Variants in KCNG2 observed in about 807,000 individuals in gnomAD.
KCNG2 encodes the protein voltage-gated potassium channel regulatory subunit KCNG2.
In KCNG2, 7 loss-of-function variants were observed where a neutral mutation model predicts 12.3. The ratio of observed to expected loss-of-function variants is 0.57; its 90% CI spans 0.32 to 1.07. The LOEUF is 1.07. Ranked by LOEUF, KCNG2 falls within the 50% of genes least tolerant of loss-of-function variation. KCNG2 has a pLI of 0.04. For synonymous variants in KCNG2, 414 were observed against 351.4 expected, an observed-to-expected ratio of 1.18 and a Z score of -1.99; for missense variants, 703 against 726.0, an observed-to-expected ratio of 0.97 and a Z score of 0.36.
chr18:79,826,653 G>A (rs540616205), intron 1 of KCNG2, among the ~76,000 whole-genome samples: 10 of 144,546 alleles, frequency 6.9e-5, no homozygotes, highest in African/African-American at 2.4e-4. Context: ...GGCGCGTTAC[G>A]TCATTACATC....
intron 1 of KCNG2, among the ~76,000 whole-genome samples, chr18:79,813,669 G>A (rs535455574): frequency 6.6e-6 from 1 of 152,294 alleles, no homozygotes; most frequent in Non-Finnish European, 1.5e-5. Flanking sequence ...AAAGATAGGG[G>A]AAATTCACTG....
intron 1 of KCNG2, among the ~76,000 whole-genome samples, chr18:79,840,306 C>A (rs1978420206): frequency 6.6e-6 from 1 of 152,042 alleles, no homozygotes; most frequent in South Asian, 2.1e-4. Flanking sequence ...CATACAAAAT[C>A]AATACACTAG....
chr18:79,851,816 A>C (rs187650114), intron 1 of KCNG2, among the ~76,000 whole-genome samples: 3 of 152,146 alleles, frequency 2.0e-5, no homozygotes, highest in Admixed American at 2.0e-4. Flanking sequence ...GTGAATGTGC[A>C]TGTGAATGGG....
At chr18:79,819,893 T>C (rs2087558505) in intron 1 of KCNG2, among the ~76,000 whole-genome samples, 1 of 152,258 alleles carries the variant, frequency 6.6e-6, no homozygotes, top group Admixed American at 6.5e-5. Flanking sequence ...AGGTCCACTC[T>C]GCTTTCTCTA....
chr18:79,860,667 G>A (rs1488312192), intron 2 of KCNG2, among the ~76,000 whole-genome samples: 1 of 150,884 alleles, frequency 6.6e-6, no homozygotes, highest in Non-Finnish European at 1.5e-5. Context: ...ATAGTGATGT[G>A]TGTGTGTGTG....
At position 79,864,124 on chromosome 18, in the gene KCNG2, CG is replaced by C; in HGVS notation, c.462del (p.Arg155GlyfsTer42). 3 of 1,261,828 alleles carry C rather than the reference CG, an allele frequency of 2.4e-6. No individual in the cohort carries two copies. The highest frequency in any genetic ancestry group is 3.0e-6 in the Non-Finnish European group (3 of 1,002,214). 78.2% of individuals were successfully genotyped at this position (1,261,828 alleles called of 1,614,324 possible). On this transcript the variant is annotated frameshift_variant, in exon 3 of 4. Transcript: ENST00000316249. LOFTEE classifies it high-confidence loss of function. ...QGSPARALGP[R>X]GRLQRGRRRL... ...GAGCCCGGCGCGCGCCCTGGGACCT[CG>C]GGGGCGGCTGCAGCGCGGCCGGCGG...
At chr18:79,815,658 C>G (rs1383290402) in intron 1 of KCNG2, among the ~76,000 whole-genome samples, 5 of 152,198 alleles carry the variant, frequency 3.3e-5, no homozygotes, top group Non-Finnish European at 7.3e-5. Context: ...ACTTCTCCAC[C>G]TTGCTCCCTT....
At chr18:79,855,563 C>G (rs1192766303) in intron 1 of KCNG2, among the ~76,000 whole-genome samples, 1 of 152,010 alleles carries the variant, frequency 6.6e-6, no homozygotes, top group Non-Finnish European at 1.5e-5. Context: ...AAATTCCAGC[C>G]TCACCCCACT....
At chr18:79,887,887 T>G (rs992908836) in intron 3 of KCNG2, among the ~76,000 whole-genome samples, 2 of 152,108 alleles carry the variant, frequency 1.3e-5, no homozygotes, top group Admixed American at 6.5e-5. Flanking sequence ...AAGACTTCAC[T>G]GTGGTCTGTG....
At chr18:79,865,276 G>A (rs1472426004) in intron 3 of KCNG2, among the ~76,000 whole-genome samples, 22 of 147,088 alleles carry the variant, frequency 1.5e-4, no homozygotes, top group Admixed American at 4.0e-4. Flanking sequence ...TGAGGTCTGT[G>A]TGCTGAGAGG....
rs947703682 is a variant in KCNG2 at position 79,818,044 on chromosome 18, C to T, written c.-115+20030C>T. On this transcript the variant is annotated intron_variant, in intron 1 of 3. Coordinates refer to ENST00000316249, the MANE Select transcript of KCNG2 (RefSeq NM_012283.2). ...GCCAGGTGGGCAGGAGCCTGCCCCTCGCCCCAGGACAGACGGCCAAGGCCC... is the reference window on the plus strand; with the variant it reads ...GCCAGGTGGGCAGGAGCCTGCCCCTTGCCCCAGGACAGACGGCCAAGGCCC... 5.9e-5 allele frequency among the ~76,000 whole-genome samples: 9 copies of T among 152,356 alleles called. No homozygotes were observed. In the East Asian group the frequency reaches 9.7e-4, roughly 16 times the overall value.
chr18:79,832,884 CACCTTAAGGT>C (rs1978303950), intron 1 of KCNG2, among the ~76,000 whole-genome samples: 1 of 152,192 alleles, frequency 6.6e-6, no homozygotes, highest in African/African-American at 2.4e-5. Context: ...AAGCCCCTGG[CACCTTAAGGT>C]AGATCACGGT....
In KCNG2 at chr18:79,899,159, C is replaced by T. The variant is rs756913012; in HGVS notation, c.744C>T (p.Arg248=). 1.4e-5 allele frequency: 23 copies of T among 1,606,810 alleles called. No individual in the cohort carries two copies. The highest frequency in any genetic ancestry group is 8.0e-5 in the African/African-American group (6 of 74,876). ...CCGAGAGCAAGTGCGCCTTCCTGCG[C>T]GCGCCACTCAACATCATTGACATCC... is the stretch of plus-strand genomic sequence containing the variant. The part of the protein sequence containing the change: ...LQAESKCAFL[R]APLNIIDILA... The change falls in exon 4 of 4, where the codon CGC becomes CGT. Residue 248 remains arginine (R), a synonymous_variant. Coordinates refer to ENST00000316249, the MANE Select transcript of KCNG2 (RefSeq NM_012283.2).
intron 1 of KCNG2, among the ~76,000 whole-genome samples, chr18:79,840,822 A>G (rs1197473092): frequency 2.6e-5 from 4 of 152,252 alleles, no homozygotes; most frequent in Non-Finnish European, 5.9e-5. Flanking sequence ...CAGAGGTTCA[A>G]AAGTGATTCA....
rs12458856 is a variant in KCNG2, at chr18:79,810,255, G to C, written c.-115+12241G>C. ...AGAGAAACTTGAAAAGGAAGCCTTGGAAAAGAGAGAAGAGAGGGTGGACAA... is the reference window on the plus strand; with the variant it reads ...AGAGAAACTTGAAAAGGAAGCCTTGCAAAAGAGAGAAGAGAGGGTGGACAA... On this transcript the variant is annotated intron_variant, in intron 1 of 3. Transcript: ENST00000316249. Among the ~76,000 whole-genome samples, 1,049 of 152,302 alleles carry C rather than the reference G, an allele frequency of 6.9e-3. 52 individuals carry two copies. The highest frequency in any genetic ancestry group is 0.063 in the Admixed American group (959 of 15,292).
At chr18:79,854,589 T>C (rs1452037529) in intron 1 of KCNG2, among the ~76,000 whole-genome samples, 3 of 145,772 alleles carry the variant, frequency 2.1e-5, no homozygotes, top group Non-Finnish European at 4.5e-5. Flanking sequence ...TGCGGTGGCG[T>C]GATCTTGGCT....
chr18:79,800,684 C>T lies in KCNG2; in HGVS notation c.-115+2670C>T, dbSNP rs959314188. ...GCAGGAGCCTCAGCAGTTCCTTCCC[C>T]GGGCGGGCGGCGCTGAGCAGACGGG... On this transcript the variant is annotated intron_variant, in intron 1 of 3. Coordinates refer to ENST00000316249, the MANE Select transcript of KCNG2 (RefSeq NM_012283.2). This position sits in a 1 kb window ranked among gnomAD's most constrained non-coding sequence, Gnocchi z 4.0. 1.3e-5 allele frequency among the ~76,000 whole-genome samples: 2 copies of T among 152,218 alleles called. No homozygotes were observed. The highest frequency in any genetic ancestry group is 6.5e-5 in the Admixed American group (1 of 15,282).
intron 1 of KCNG2, among the ~76,000 whole-genome samples, chr18:79,807,404 C>A (rs1434701653): frequency 1.3e-5 from 2 of 152,202 alleles, no homozygotes; most frequent in African/African-American, 4.8e-5. Context: ...ACCGTAAACA[C>A]CCGAGCACCC....
intron 1 of KCNG2, among the ~76,000 whole-genome samples, chr18:79,841,443 G>C (rs1016415968): frequency 3.9e-5 from 6 of 152,158 alleles, no homozygotes; most frequent in Non-Finnish European, 5.9e-5. Flanking sequence ...CTCTGCAAAA[G>C]ACCTTGTGTG....
Sources: gnomAD v4.1 joint callset for allele counts (sites outside exome capture counted in the v4.1 genomes callset) on GRCh38, gnomAD v4.1.1 for gene constraint, Gnocchi (gnomAD v3.1) non-coding constraint, MANE v1.5 for transcripts, NCBI Gene and HGNC (gene_info 2026-07-23, HGNC 2026-07-21) for gene names.